CUX1: variants seen among roughly 807,000 people sequenced by gnomAD.
CUX1 encodes cut like homeobox 1, also known as protein CASP.
In CUX1, 31 loss-of-function variants were observed where a neutral mutation model predicts 158.8. The ratio of observed to expected loss-of-function variants is 0.20; its 90% confidence interval spans 0.15 to 0.26. CUX1 has a LOEUF of 0.26. CUX1 is among the 10% of genes least tolerant of loss of function. CUX1 has a pLI of 1.00. For synonymous variants in CUX1, 879 were observed against 862.1 expected, an observed-to-expected ratio of 1.02 and a Z score of -0.34; for missense variants, 1,589 against 2,014.6, an observed-to-expected ratio of 0.79 and a Z score of 4.04.
chr7:101,847,090 G>T (rs1795785277), intron 1 of CUX1, among the ~76,000 whole-genome samples: 1 of 152,188 alleles, frequency 6.6e-6, no homozygotes, highest in South Asian at 2.1e-4. Context: ...GCTGCAGCAA[G>T]CTGTCATTCT....
chr7:101,965,944 G>A (rs1210227237), intron 2 of CUX1, among the ~76,000 whole-genome samples: 2 of 151,136 alleles, frequency 1.3e-5, no homozygotes, highest in Non-Finnish European at 2.9e-5. Flanking sequence ...TTAGATTACA[G>A]TTGGAAACAA....
At chr7:101,892,144 G>T (rs780436821) in intron 1 of CUX1, among the ~76,000 whole-genome samples, 1 of 152,182 alleles carries the variant, frequency 6.6e-6, no homozygotes, top group Non-Finnish European at 1.5e-5. Flanking sequence ...TCCTTGCACT[G>T]ACCAGCGGCA....
intron 1 of CUX1, among the ~76,000 whole-genome samples, chr7:101,896,137 G>A (rs1268840821): frequency 1.3e-5 from 2 of 151,754 alleles, no homozygotes; most frequent in East Asian, 1.9e-4. Flanking sequence ...GAAGCAATCC[G>A]CCCACCTCAG....
intron 12 of CUX1, among the ~76,000 whole-genome samples, chr7:102,191,344 C>A (rs1794252280): frequency 6.6e-6 from 1 of 152,200 alleles, no homozygotes; most frequent in African/African-American, 2.4e-5. Context: ...AGCGATTCTC[C>A]TGCCTCAGCC....
chr7:102,106,877 G>A (rs929558494), intron 6 of CUX1, among the ~76,000 whole-genome samples: 14 of 152,158 alleles, frequency 9.2e-5, no homozygotes, highest in African/African-American at 2.7e-4. Flanking sequence ...TTTGGGGCTC[G>A]CCTGCCCTGC....
At chr7:101,853,265 A>G (rs1256567623) in intron 1 of CUX1, among the ~76,000 whole-genome samples, 1 of 152,190 alleles carries the variant, frequency 6.6e-6, no homozygotes, top group Admixed American at 6.5e-5. Flanking sequence ...TAGATGCTTA[A>G]GTAGTATATG....
In CUX1 at chr7:102,248,724, GC is replaced by G. The variant is rs1554538070; in HGVS notation, c.4204del (p.Leu1402CysfsTer83). Reference sequence around the variant, plus strand: ...AGGGAGGCCCCGTGGAAGGCCCGGGGCCCCTGCCCAGCCCCGCCTCCGCGAC... The same window carrying G: ...AGGGAGGCCCCGTGGAAGGCCCGGGGCCCTGCCCAGCCCCGCCTCCGCGAC... Reference protein sequence around the residue: ...HEGGPVEGPGPLPSPASATAT... With the variant: ...HEGGPVEGPGXLPSPASATAT... On this transcript the variant is annotated frameshift_variant, in exon 24 of 24. Coordinates refer to ENST00000292535, the MANE Select transcript of CUX1 (RefSeq NM_181552.4). LOFTEE classifies it low-confidence loss of function (END_TRUNC). This position sits in a 1 kb window ranked among gnomAD's most constrained non-coding sequence, Gnocchi z 5.8. 1 of 1,153,114 alleles carries G rather than the reference GC, an allele frequency of 8.7e-7. No homozygotes were observed. The highest frequency in any genetic ancestry group is 1.1e-6 in the Non-Finnish European group (1 of 935,436). 71.4% of individuals were successfully genotyped at this position (1,153,114 alleles called of 1,614,324 possible). A position where few individuals can be genotyped will look rare whatever the true frequency, so the allele number is the denominator to read the frequency against.
At chr7:101,821,671 C>CTTTTTTTTTTTTTTTT (rs58793343) in intron 1 of CUX1, among the ~76,000 whole-genome samples, 664 of 51,328 alleles carry the variant, frequency 0.013, 91 homozygotes, top group Middle Eastern at 0.026. Context: ...TTTCTTTTTT[C>CTTTTTTTTTTTTTTTT]TTTTTTTTTT....
At chr7:102,010,503 C>T (rs1026697186) in intron 2 of CUX1, among the ~76,000 whole-genome samples, 5 of 151,560 alleles carry the variant, frequency 3.3e-5, no homozygotes, top group African/African-American at 4.9e-5. Context: ...TCATGGAATT[C>T]GTGATTGGGC....
At position 102,024,695 on chromosome 7, in the gene CUX1, G is replaced by A. The variant is rs998671950; in HGVS notation, c.142-3403G>A. Among the ~76,000 whole-genome samples, 5 of 152,050 alleles carry A rather than the reference G, an allele frequency of 3.3e-5. No homozygotes were observed. The East Asian group carries it at 9.6e-4, about 29-fold the overall frequency. ...CTTTTGAGTCCCCACTGTGTGCCAG[G>A]CCCCATGGTCGTTTTCCCTGGACCC... On this transcript the variant is annotated intron_variant, in intron 2 of 23. Coordinates refer to ENST00000292535, the MANE Select transcript of CUX1 (RefSeq NM_181552.4).
chr7:102,168,797 C>G (rs1791343076), intron 9 of CUX1, among the ~76,000 whole-genome samples: 1 of 152,010 alleles, frequency 6.6e-6, no homozygotes. Context: ...TCTTGTTTGT[C>G]TTTCTGAGTC....
chr7:101,906,261 G>A (rs1274983294), intron 1 of CUX1, among the ~76,000 whole-genome samples: 1 of 152,012 alleles, frequency 6.6e-6, no homozygotes, highest in African/African-American at 2.4e-5. Context: ...CCAACCCTGT[G>A]CCCAGACTAG....
intron 2 of CUX1, among the ~76,000 whole-genome samples, chr7:101,982,992 T>G (rs898550090): frequency 6.6e-6 from 1 of 150,522 alleles, no homozygotes. Flanking sequence ...TCTAAGCGCT[T>G]TGTGAGTGTC....
chr7:102,046,351 GCCT>G (rs1375262118), intron 3 of CUX1, among the ~76,000 whole-genome samples: 1 of 152,098 alleles, frequency 6.6e-6, no homozygotes, highest in Non-Finnish European at 1.5e-5. Context: ...TCCTGCCTCA[GCCT>G]CTGAAGTAGC....
intron 21 of CUX1, among the ~76,000 whole-genome samples, chr7:102,229,866 C>T (rs1211314296): frequency 1.3e-5 from 2 of 152,136 alleles, no homozygotes; most frequent in African/African-American, 4.8e-5. Flanking sequence ...AGGTGATCCA[C>T]CCACCTTGGC....
chr7:101,955,921 C>T (rs749024049), intron 2 of CUX1, among the ~76,000 whole-genome samples: 33 of 90,752 alleles, frequency 3.6e-4, no homozygotes, highest in South Asian at 1.7e-3. Flanking sequence ...CTGTGGCTCA[C>T]GCCTGTAATC....
rs528144089 is a variant in CUX1 at position 102,232,207 on chromosome 7, G to A, written c.3434-1845G>A. 1.6e-4 allele frequency among the ~76,000 whole-genome samples: 24 copies of A among 151,870 alleles called. No individual in the cohort carries two copies. In the South Asian group the frequency reaches 3.8e-3, roughly 24 times the overall value. ...TAAGTTTAAAATGACTAAGCCAGGC[G>A]TGGTGGTGCACACCTGTAATCCCAG... On this transcript the variant is annotated intron_variant, in intron 21 of 23. Coordinates refer to ENST00000292535, the MANE Select transcript of CUX1 (RefSeq NM_181552.4).
intron 14 of CUX1, among the ~76,000 whole-genome samples, chr7:102,268,110 C>T (rs1156608279): frequency 1.3e-5 from 2 of 152,166 alleles, no homozygotes; most frequent in African/African-American, 4.8e-5. Context: ...GGCCCTTGCA[C>T]CACAGACTCC....
chr7:102,196,355 C>T (rs1396981385), intron 14 of CUX1, among the ~76,000 whole-genome samples: 2 of 152,172 alleles, frequency 1.3e-5, no homozygotes, highest in Non-Finnish European at 2.9e-5. Context: ...CTCCTTGTCA[C>T]GCTAGGAGTT....
Sources: gnomAD v4.1 joint callset for allele counts (sites outside exome capture counted in the v4.1 genomes callset) on GRCh38, gnomAD v4.1.1 for gene constraint, Gnocchi (gnomAD v3.1) non-coding constraint, MANE v1.5 for transcripts, NCBI Gene and HGNC (gene_info 2026-07-23, HGNC 2026-07-21) for gene names.